The following GALNS variants were observed in gnomAD, a reference collection of about 807,000 sequenced individuals.
GALNS encodes N-acetylgalactosamine-6-sulfatase.
A neutral mutation model predicts 65.9 loss-of-function variants in GALNS; 65 were observed. The ratio of observed to expected loss-of-function variants is 0.99; its 90% CI spans 0.81 to 1.21. The LOEUF (loss-of-function observed/expected upper bound fraction) is 1.21, where lower values mean the gene tolerates loss of function less well. GALNS is among the 50% of genes most tolerant of loss of function. The pLI, the probability that GALNS is intolerant of heterozygous loss-of-function variation, is 0.00. For synonymous variants in GALNS, 346 were observed against 288.9 expected (o/e 1.20, Z -2.00); for missense variants, 776 against 700.7 (o/e 1.11, Z -1.21).
chr16:88,846,731 C>G (rs138536445), intron 1 of GALNS, among the ~76,000 whole-genome samples: 2 of 151,916 alleles, frequency 1.3e-5, no homozygotes, highest in Non-Finnish European at 2.9e-5. Flanking sequence ...TTAGTAGAGA[C>G]GGGGTTTCGC....
At chr16:88,821,531 G>A (rs992781217) in intron 12 of GALNS, among the ~76,000 whole-genome samples, 3 of 152,204 alleles carry the variant, frequency 2.0e-5, no homozygotes, top group South Asian at 2.1e-4. Flanking sequence ...CTGGACGCTC[G>A]GTGGAGGAGA....
At chr16:88,834,554 G>A (rs1911889811) in intron 8 of GALNS, among the ~76,000 whole-genome samples, 1 of 138,174 alleles carries the variant, frequency 7.2e-6, no homozygotes, top group South Asian at 2.6e-4. Flanking sequence ...GGTCTGGGAA[G>A]AGGCTGCAGG....
At chr16:88,854,580 C>T (rs1223882367) in intron 1 of GALNS, among the ~76,000 whole-genome samples, 2 of 152,248 alleles carry the variant, frequency 1.3e-5, no homozygotes, top group African/African-American at 2.4e-5. Flanking sequence ...GCCCCTCCCC[C>T]AGTGTGCTTG....
At chr16:88,831,289 T>C (rs1445337070) in intron 9 of GALNS, among the ~76,000 whole-genome samples, 1 of 62,954 alleles carries the variant, frequency 1.6e-5, no homozygotes, top group African/African-American at 7.9e-5. Context: ...AGGAGAGCGG[T>C]GAGGCCGAGC....
At chr16:88,856,528 G>T (rs1438893977) in intron 1 of GALNS, 1 of 695,488 alleles carries the variant, frequency 1.4e-6, no homozygotes, top group Admixed American at 2.0e-5. Context: ...GAGACCCCAC[G>T]CCTGGACCCC....
At chr16:88,838,919 A>C (rs984993435) in intron 4 of GALNS, 8 of 152,476 alleles carry the variant, frequency 5.2e-5, no homozygotes, top group African/African-American at 1.9e-4. Flanking sequence ...GGACCTCCCG[A>C]GCTGCCTCTC....
chr16:88,819,929 T>A (rs886117032), intron 12 of GALNS, among the ~76,000 whole-genome samples: 1 of 151,916 alleles, frequency 6.6e-6, no homozygotes, highest in East Asian at 1.9e-4. Context: ...CCTGACCTCA[T>A]GATCTGCCTG....
intron 8 of GALNS, among the ~76,000 whole-genome samples, chr16:88,833,608 C>T (rs1156416992): frequency 3.9e-5 from 6 of 152,122 alleles, no homozygotes; most frequent in African/African-American, 1.4e-4. Flanking sequence ...CCCGCCACCA[C>T]GCCTGGCTAA....
intron 9 of GALNS, among the ~76,000 whole-genome samples, chr16:88,827,647 T>C (rs1473078237): frequency 6.6e-6 from 1 of 152,156 alleles, no homozygotes; most frequent in Admixed American, 6.5e-5. Context: ...GGTTTCTCCA[T>C]GTTGGTCAGG....
intron 11 of GALNS, among the ~76,000 whole-genome samples, chr16:88,824,556 G>A (rs1910604649): frequency 6.6e-6 from 1 of 152,134 alleles, no homozygotes; most frequent in Non-Finnish European, 1.5e-5. Context: ...ATCACGCGGG[G>A]CAGGAAGAGG....
At chr16:88,843,233 G>A (rs895726215) in intron 1 of GALNS, 9 of 1,293,574 alleles carry the variant, frequency 7.0e-6, no homozygotes, top group Admixed American at 6.9e-5. Context: ...GCCCTCGTAT[G>A]TCTGTACACG....
intron 9 of GALNS, among the ~76,000 whole-genome samples, chr16:88,830,676 G>C (rs1046479679): frequency 6.6e-6 from 1 of 152,216 alleles, no homozygotes; most frequent in Non-Finnish European, 1.5e-5. Context: ...CTCAACCGAG[G>C]GGCAGCTTCC....
chr16:88,853,143 C>T (rs759581433), intron 1 of GALNS, among the ~76,000 whole-genome samples: 19 of 148,994 alleles, frequency 1.3e-4, no homozygotes, highest in Non-Finnish European at 1.8e-4. Flanking sequence ...CCCAGCTACT[C>T]GGGAGGCTGA....
chr16:88,833,454 CTTT>C (rs1555521204), intron 8 of GALNS, among the ~76,000 whole-genome samples: 1 of 141,150 alleles, frequency 7.1e-6, no homozygotes, highest in African/African-American at 2.7e-5. Context: ...CTCCCATCCC[CTTT>C]TTTTTTTTTT....
chr16:88,842,445 A>G, intron 2 of GALNS: 1 of 569,896 alleles, frequency 1.8e-6, no homozygotes. Flanking sequence ...CGGCCACAGC[A>G]CTCGACTCTG....
chr16:88,840,905 T>C (rs111464215), intron 4 of GALNS, 87 bp downstream of exon 4: 16 of 1,046,154 alleles, frequency 1.5e-5, no homozygotes, highest in African/African-American at 1.3e-4. Context: ...CCCTCCTCAT[T>C]TGGAAACTTG....
intron 4 of GALNS, among the ~76,000 whole-genome samples, chr16:88,839,271 C>G: frequency 6.7e-6 from 1 of 149,832 alleles, no homozygotes; most frequent in African/African-American, 2.5e-5. Flanking sequence ...CGCCCGGCCA[C>G]AGGGGACACT....
At chr16:88,849,286 TATTATC>T (rs1429109243) in intron 1 of GALNS, among the ~76,000 whole-genome samples, 5 of 151,938 alleles carry the variant, frequency 3.3e-5, no homozygotes, top group African/African-American at 7.3e-5. Context: ...AGTTAATTAT[TATTATC>T]ATTATTTTTT....
chr16:88,826,487 C>T (rs1016457537), intron 10 of GALNS, among the ~76,000 whole-genome samples: 2 of 152,128 alleles, frequency 1.3e-5, no homozygotes, highest in African/African-American at 2.4e-5. Context: ...GCCAGGGCCT[C>T]GCTGTGCTTG....
Sources: gnomAD v4.1 joint callset for allele counts (sites outside exome capture counted in the v4.1 genomes callset) on GRCh38, gnomAD v4.1.1 for gene constraint, MANE v1.5 for transcripts, NCBI Gene and HGNC (gene_info 2026-07-23, HGNC 2026-07-21) for gene names.